The following TENM4 variants were observed in gnomAD, a reference collection of about 807,000 sequenced individuals.
TENM4 encodes the protein teneurin transmembrane protein 4, also known as teneurin-4.
In TENM4, 82 loss-of-function variants were observed where a neutral mutation model predicts 243.3. That is an observed-to-expected ratio of 0.34 (90% CI 0.28 to 0.40). The LOEUF is 0.40. TENM4 is among the 10% of genes least tolerant of loss of function. The pLI is 1.00. For missense variants in TENM4, 3,138 were observed against 3,673.3 expected, an observed-to-expected ratio of 0.85 and a Z score of 3.77; for synonymous variants, 1,412 against 1,456.3, an observed-to-expected ratio of 0.97 and a Z score of 0.69.
intron 1 of TENM4, among the ~76,000 whole-genome samples, chr11:79,320,155 C>T (rs944614911): frequency 6.6e-6 from 1 of 152,150 alleles, no homozygotes; most frequent in African/African-American, 2.4e-5. Flanking sequence ...TGAAAACATC[C>T]CCAGGAGTGA....
intron 28 of TENM4, among the ~76,000 whole-genome samples, chr11:78,692,997 G>A (rs1033284150): frequency 7.9e-5 from 12 of 152,066 alleles, no homozygotes; most frequent in African/African-American, 2.9e-4. Context: ...TTTGTTTTCT[G>A]TCTCCTCCTA....
chr11:79,059,498 C>T (rs1319821646), intron 6 of TENM4, among the ~76,000 whole-genome samples: 1 of 152,234 alleles, frequency 6.6e-6, no homozygotes, highest in Non-Finnish European at 1.5e-5. Context: ...TAAGGCCCAA[C>T]ACAGACCTGA....
intron 7 of TENM4, among the ~76,000 whole-genome samples, chr11:78,897,845 C>A (rs564057): frequency 0.95 from 144,394 of 152,218 alleles, 68,793 homozygotes; most frequent in Non-Finnish European, 1. Context: ...CCAGGATGGC[C>A]CCCATCCCTG....
chr11:79,420,683 T>G (rs76871460), intron 1 of TENM4, among the ~76,000 whole-genome samples: 14,624 of 151,868 alleles, frequency 0.096, 761 homozygotes, highest in Non-Finnish European at 0.12. Context: ...AGTTTTTTTT[T>G]GGGGGGTGGG....
At chr11:79,385,750 C>T (rs1229893922) in intron 1 of TENM4, among the ~76,000 whole-genome samples, 1 of 151,940 alleles carries the variant, frequency 6.6e-6, no homozygotes, top group East Asian at 1.9e-4. Context: ...TTGGGAATCC[C>T]CAGAGCTTTT....
chr11:79,192,357 G>A (rs963266380), intron 3 of TENM4, among the ~76,000 whole-genome samples: 14 of 152,270 alleles, frequency 9.2e-5, no homozygotes, highest in African/African-American at 2.9e-4. Flanking sequence ...TTGAGAAATC[G>A]GATGGTTGCC....
chr11:78,880,457 T>TAAAAAAAAAAAAA (rs71763484), intron 9 of TENM4, among the ~76,000 whole-genome samples: 102 of 104,560 alleles, frequency 9.8e-4, no homozygotes, highest in African/African-American at 4.5e-3. Context: ...CAATAAATAC[T>TAAAAAAAAAAAAA]AAAAAAAAAA....
At chr11:78,920,672 T>TTTTGC (rs1200079670) in intron 6 of TENM4, among the ~76,000 whole-genome samples, 1 of 152,226 alleles carries the variant, frequency 6.6e-6, no homozygotes, top group African/African-American at 2.4e-5. Context: ...AGCCATCTGA[T>TTTTGC]AGATGTTAGG....
intron 6 of TENM4, among the ~76,000 whole-genome samples, chr11:78,948,645 A>G (rs1189666986): frequency 1.3e-5 from 2 of 152,202 alleles, no homozygotes; most frequent in African/African-American, 2.4e-5. Context: ...TGCTGGGATT[A>G]CAGGCGTGAG....
chr11:78,687,677 A>G lies in TENM4; in HGVS notation c.5260+377T>C, dbSNP rs185323045. Among the ~76,000 whole-genome samples, 5 of 152,320 alleles carry G rather than the reference A, an allele frequency of 3.3e-5. No individual in the cohort carries two copies. In the East Asian group the frequency reaches 5.8e-4, roughly 18 times the overall value. ...CCTGGGCTTCAGGAAGGACTTCTCC[A>G]TAATCAAATCCCTTTCATAATTATG... On this transcript the variant is annotated intron_variant, in intron 29 of 33. Transcript: ENST00000278550.
chr11:78,702,053 G>T lies in TENM4; in HGVS notation c.4560C>A (p.Asn1520Lys), dbSNP rs1406646286. The T allele has an allele frequency of 1.2e-6, 2 of 1,613,702 alleles. No individual in the cohort carries two copies. The highest frequency in any genetic ancestry group is 1.3e-5 in the African/African-American group (1 of 75,060). The part of the protein sequence containing the change: ...PSGCDCKNDA[N>K]CDCFSGDDGY... ...CATCGTCTCCAGAAAAACAATCACA[G>T]TTGGCATCATTTTTACAGTCACAGC... The change falls in exon 28 of 34, where the codon AAC becomes AAA. Residue 1520 changes from asparagine to lysine, a missense_variant. Coordinates refer to ENST00000278550, the MANE Select transcript of TENM4 (RefSeq NM_001098816.3).
intron 9 of TENM4, among the ~76,000 whole-genome samples, chr11:78,870,346 A>G (rs1002798373): frequency 1.3e-5 from 2 of 151,974 alleles, no homozygotes; most frequent in African/African-American, 4.8e-5. Flanking sequence ...GTTCCCTTCC[A>G]TGCCAGTTGC....
intron 12 of TENM4, among the ~76,000 whole-genome samples, chr11:78,840,713 C>A (rs1858238759): frequency 6.6e-6 from 1 of 152,186 alleles, no homozygotes; most frequent in Non-Finnish European, 1.5e-5. Flanking sequence ...GCAGCATCCT[C>A]AGTCTGAACT....
chr11:78,805,814 C>T (rs1237359636), intron 14 of TENM4, among the ~76,000 whole-genome samples: 2 of 152,196 alleles, frequency 1.3e-5, no homozygotes, highest in East Asian at 3.8e-4. Flanking sequence ...GCCTAGCACA[C>T]AGGAGGTGTT....
intron 6 of TENM4, among the ~76,000 whole-genome samples, chr11:79,033,800 G>T (rs1022623487): frequency 6.6e-6 from 1 of 152,192 alleles, no homozygotes; most frequent in African/African-American, 2.4e-5. Context: ...GATTTGATTT[G>T]TGAACTTAAA....
chr11:79,302,554 T>G (rs1590864529), intron 1 of TENM4, among the ~76,000 whole-genome samples: 1 of 152,220 alleles, frequency 6.6e-6, no homozygotes, highest in East Asian at 1.9e-4. Flanking sequence ...CAATTTGCAT[T>G]ATTAGCATTA....
At chr11:78,793,218 A>C (rs1857094201) in intron 15 of TENM4, among the ~76,000 whole-genome samples, 1 of 152,154 alleles carries the variant, frequency 6.6e-6, no homozygotes, top group Non-Finnish European at 1.5e-5. Flanking sequence ...TTTCCCACAA[A>C]ATTTCTTCTA....
chr11:78,693,584 C>T (rs1031314657), intron 28 of TENM4, among the ~76,000 whole-genome samples: 1 of 152,212 alleles, frequency 6.6e-6, no homozygotes, highest in African/African-American at 2.4e-5. Context: ...ATTGACTTTG[C>T]AGCGATGCCA....
chr11:78,946,305 C>T (rs1035168897), intron 6 of TENM4, among the ~76,000 whole-genome samples: 3 of 152,188 alleles, frequency 2.0e-5, no homozygotes, highest in African/African-American at 7.2e-5. Context: ...TGCCTGTGCT[C>T]TTTAAATGTA....
Sources: allele counts gnomAD v4.1 joint callset (sites outside exome capture counted in the v4.1 genomes callset), GRCh38; gene constraint gnomAD v4.1.1; transcripts MANE v1.5; gene names NCBI Gene and HGNC (gene_info 2026-07-23, HGNC 2026-07-21).